The following PTPRD variants were observed in gnomAD, a reference collection of about 807,000 sequenced individuals.
The protein encoded by PTPRD is receptor-type tyrosine-protein phosphatase delta.
A neutral mutation model predicts 214.5 loss-of-function variants in PTPRD; 34 were observed. The observed-to-expected ratio is 0.16, with a 90% confidence interval of 0.12 to 0.21. The LOEUF (loss-of-function observed/expected upper bound fraction) is 0.21. Among genes scored for constraint, PTPRD ranks in the 10% least tolerant of loss-of-function variants. The probability of loss-of-function intolerance (pLI) is 1.00; values close to 1 mark genes in which losing one functional copy is unlikely to be tolerated. For synonymous variants in PTPRD, 1,128 were observed against 845.7 expected (o/e 1.33, Z -5.79); for missense variants, 2,545 against 2,398.7 (o/e 1.06, Z -1.27).
Position 8,422,627 on chromosome 9 carries a change from C to A in PTPRD, c.4086+13965G>T, listed in dbSNP as rs549127184. 2.6e-5 allele frequency among the ~76,000 whole-genome samples: 4 copies of A among 152,162 alleles called. No homozygotes were observed. The East Asian group carries it at 7.7e-4, about 29-fold the overall frequency. On this transcript the variant is annotated intron_variant, in intron 35 of 45. Transcript: ENST00000381196. The stretch of plus-strand genomic sequence containing the variant: ...ACTTCACAGTAGAAACTTTGTGACA[C>A]TGAATTTAAACTTAAACCTCTAAAA...
chr9:8,500,558 GAAAAA>G (rs146807692), intron 24 of PTPRD, among the ~76,000 whole-genome samples, 191 bp downstream of exon 24: 138 of 14,312 alleles, frequency 9.6e-3, no homozygotes, highest in African/African-American at 0.041. Flanking sequence ...TGAAAAAAAT[GAAAAA>G]AAAAAAAAAA....
chr9:8,318,963 G>A (rs1249237101), intron 45 of PTPRD, among the ~76,000 whole-genome samples: 2 of 152,008 alleles, frequency 1.3e-5, no homozygotes, highest in African/African-American at 4.8e-5. Flanking sequence ...AAAAATGGTT[G>A]GTAATGCAAA....
intron 9 of PTPRD, among the ~76,000 whole-genome samples, chr9:9,259,974 C>T (rs778107343): frequency 1.3e-5 from 2 of 151,756 alleles, no homozygotes; most frequent in African/African-American, 4.8e-5. Flanking sequence ...TTCTGAAAGG[C>T]GAGTAGGCCT....
At chr9:10,280,935 G>T (rs952479968) in intron 3 of PTPRD, among the ~76,000 whole-genome samples, 4 of 152,110 alleles carry the variant, frequency 2.6e-5, no homozygotes, top group Admixed American at 2.6e-4. Flanking sequence ...TTTTTAAAAA[G>T]TTCCCAGGTG....
chr9:10,143,976 T>C (rs2099005677), intron 3 of PTPRD, among the ~76,000 whole-genome samples: 1 of 152,094 alleles, frequency 6.6e-6, no homozygotes, highest in Admixed American at 6.6e-5. Context: ...GGGAGATGGA[T>C]ACTTTTATAC....
At chr9:10,382,305 A>C (rs970038647) in intron 2 of PTPRD, among the ~76,000 whole-genome samples, 1 of 151,960 alleles carries the variant, frequency 6.6e-6, no homozygotes, top group Non-Finnish European at 1.5e-5. Context: ...TGAGTTGACA[A>C]ATAAACACAT....
chr9:10,015,728 G>A (rs1430352417), intron 4 of PTPRD, among the ~76,000 whole-genome samples: 2 of 152,130 alleles, frequency 1.3e-5, no homozygotes, highest in Admixed American at 1.3e-4. Flanking sequence ...AGAGAAAGAG[G>A]TGGGGGAACC....
chr9:8,748,878 C>G (rs7863481), intron 11 of PTPRD, among the ~76,000 whole-genome samples: 11,140 of 152,044 alleles, frequency 0.073, 1,098 homozygotes, highest in African/African-American at 0.23. Context: ...CCAGTGCACT[C>G]CAGCCTGGGT....
intron 8 of PTPRD, among the ~76,000 whole-genome samples, chr9:9,429,291 C>G (rs141985582): frequency 0.066 from 9,962 of 152,030 alleles, 359 homozygotes; most frequent in Middle Eastern, 0.17. Flanking sequence ...AAATAAACTA[C>G]AAAATCTAGA....
At chr9:9,873,454 T>C (rs919662043) in intron 5 of PTPRD, among the ~76,000 whole-genome samples, 4 of 152,002 alleles carry the variant, frequency 2.6e-5, no homozygotes, top group Non-Finnish European at 5.9e-5. Flanking sequence ...AACTAAAACC[T>C]GGATCTTACT....
intron 3 of PTPRD, among the ~76,000 whole-genome samples, chr9:10,231,963 A>T (rs1365974099): frequency 1.8e-4 from 4 of 22,454 alleles, no homozygotes; most frequent in Non-Finnish European, 2.9e-4. Flanking sequence ...AATTAGAGAG[A>T]GAGAGAGAGA....
At chr9:10,204,688 C>T (rs1487963678) in intron 3 of PTPRD, among the ~76,000 whole-genome samples, 1 of 152,046 alleles carries the variant, frequency 6.6e-6, no homozygotes, top group East Asian at 1.9e-4. Flanking sequence ...AACTCTCTTA[C>T]TAGAGGAAGA....
chr9:9,084,971 G>A (rs956732126), intron 10 of PTPRD, among the ~76,000 whole-genome samples: 1 of 152,124 alleles, frequency 6.6e-6, no homozygotes, highest in African/African-American at 2.4e-5. Flanking sequence ...GACAGGGAAA[G>A]ATTATTTTTC....
intron 11 of PTPRD, among the ~76,000 whole-genome samples, chr9:8,949,660 C>T (rs948803436): frequency 2.6e-5 from 4 of 152,046 alleles, no homozygotes; most frequent in Non-Finnish European, 4.4e-5. Context: ...TATGACATCT[C>T]ATCCACATAA....
Position 8,349,592 on chromosome 9 carries a change from A to G in PTPRD, c.4662-7614T>C, listed in dbSNP as rs1340857343. Among the ~76,000 whole-genome samples the G allele has an allele frequency of 4.6e-5, 7 of 152,310 alleles. No homozygotes were observed. The South Asian group carries it at 6.2e-4, about 14-fold the overall frequency. ...ACATGATAAGAACAGCAAAACTGAT[A>G]AACCACCCTTATTTTTATCTGTTTT... On this transcript the variant is annotated intron_variant, in intron 39 of 45. Transcript: ENST00000381196.
intron 10 of PTPRD, among the ~76,000 whole-genome samples, chr9:9,075,247 G>A (rs1423660417): frequency 1.3e-5 from 2 of 151,920 alleles, no homozygotes; most frequent in South Asian, 4.2e-4. Flanking sequence ...TTACAACAGG[G>A]TAAATGGGTA....
intron 2 of PTPRD, among the ~76,000 whole-genome samples, chr9:10,489,532 G>A (rs2132606255): frequency 6.6e-6 from 1 of 152,262 alleles, no homozygotes; most frequent in Middle Eastern, 3.4e-3. Flanking sequence ...TCACCTAGAA[G>A]TTGTAGTCCT....
rs564434053 is a variant in PTPRD at position 8,535,019 on chromosome 9, A to C, written c.353-6240T>G. On this transcript the variant is annotated intron_variant, in intron 14 of 45. Transcript: ENST00000381196. ...GCACTGGGTATGAAGTAATCTAGATAATCTCTATATTGTTGTGATTTAATT... is the reference window on the plus strand; with the variant it reads ...GCACTGGGTATGAAGTAATCTAGATCATCTCTATATTGTTGTGATTTAATT... Among the ~76,000 whole-genome samples, 6 of 152,044 alleles carry C rather than the reference A, an allele frequency of 3.9e-5. No individual in the cohort carries two copies. The East Asian group carries it at 9.7e-4, about 24-fold the overall frequency.
At chr9:9,706,739 C>T (rs979388531) in intron 7 of PTPRD, among the ~76,000 whole-genome samples, 1 of 152,002 alleles carries the variant, frequency 6.6e-6, no homozygotes, top group African/African-American at 2.4e-5. Flanking sequence ...CATGCCTGGC[C>T]TACTAACTCT....
Sources: allele counts gnomAD v4.1 joint callset (sites outside exome capture counted in the v4.1 genomes callset), GRCh38; gene constraint gnomAD v4.1.1; transcripts MANE v1.5; gene names NCBI Gene and HGNC (gene_info 2026-07-23, HGNC 2026-07-21).